Variants in CCDC88A observed in about 807,000 individuals in gnomAD.
CCDC88A encodes coiled-coil and HOOK domain protein 88A, also known as girdin.
In CCDC88A, 54 loss-of-function variants were observed where a neutral mutation model predicts 234.3. That is an observed-to-expected ratio of 0.23 (90% CI 0.19 to 0.29). CCDC88A has a LOEUF of 0.29. CCDC88A is among the 10% of genes least tolerant of loss of function. The probability of loss-of-function intolerance (pLI) is 1.00; values close to 1 mark genes in which losing one functional copy is unlikely to be tolerated. For missense variants in CCDC88A, 1,832 were observed against 2,123.4 expected, an observed-to-expected ratio of 0.86 and a Z score of 2.70; for synonymous variants, 753 against 737.8, an observed-to-expected ratio of 1.02 and a Z score of -0.33.
At chr2:55,415,088 A>T (rs1431631024) in intron 2 of CCDC88A, among the ~76,000 whole-genome samples, 1 of 150,018 alleles carries the variant, frequency 6.7e-6, no homozygotes, top group Non-Finnish European at 1.5e-5. Context: ...AAAGGTTCCT[A>T]TAAAAAAAGT....
intron 9 of CCDC88A, 45 bp downstream of exon 9, chr2:55,349,473 C>G: frequency 1.5e-6 from 2 of 1,316,962 alleles, no homozygotes; most frequent in Non-Finnish European, 2.2e-6. Flanking sequence ...AAATCAATTT[C>G]CAATTACTTG....
rs575185717 is a variant in CCDC88A, at chr2:55,363,813, T to C, written c.486+137A>G. The stretch of plus-strand genomic sequence containing the variant: ...AACTATCTCTAAAGAGAAGACAATT[T>C]GTATAAAAGCAGGGTCCATCTATAT... On this transcript the variant is annotated intron_variant, in intron 6 of 32. Transcript: ENST00000436346. 2.3e-5 allele frequency: 12 copies of C among 521,074 alleles called. No individual in the cohort carries two copies. In the African/African-American group the frequency reaches 2.4e-4, roughly 10 times the overall value. 32.3% of individuals were successfully genotyped at this position (521,074 alleles called of 1,614,324 possible).
rs532679422 is a variant in CCDC88A, at chr2:55,334,963, A to G, written c.1858T>C (p.Tyr620His). 6.3e-7 allele frequency: 1 copy of G among 1,579,132 alleles called. No homozygotes were observed. The highest frequency in any genetic ancestry group is 8.6e-7 in the Non-Finnish European group (1 of 1,159,576). Reference protein sequence around the residue: ...KRQIKKELEHYKEKGERAEEL... With the variant: ...KRQIKKELEHHKEKGERAEEL... ...TCAGCTCGTTCTCCTTTTTCTTTAT[A>G]ATGTTCCAATTCTTTTTTAATTTGT... is the stretch of plus-strand genomic sequence containing the variant. The change falls in exon 15 of 33, where the codon TAT becomes CAT. Residue 620 changes from tyrosine to histidine, a missense_variant. Transcript: ENST00000436346. The surrounding 1 kb of genome is among the most constrained non-coding windows in gnomAD (Gnocchi z 6.1).
chr2:55,322,779 T>G (rs1034585411), intron 17 of CCDC88A, 87 bp from the exon 18 acceptor site: 1 of 604,224 alleles, frequency 1.7e-6, no homozygotes, highest in African/African-American at 1.9e-5. Context: ...TGGGCTGATC[T>G]GGTGAATACG....
Position 55,309,280 on chromosome 2 carries a change from G to T in CCDC88A, c.4080-26C>A. The T allele has an allele frequency of 9.6e-7, 1 of 1,036,280 alleles. No individual in the cohort carries two copies. Among genetic ancestry groups the T allele is most frequent in the Non-Finnish European group, 1.5e-6 (1 of 682,154 alleles). 64.2% of individuals were successfully genotyped at this position (1,036,280 alleles called of 1,614,324 possible). A position where few individuals can be genotyped will look rare whatever the true frequency, so the allele number is the denominator to read the frequency against. On this transcript the variant is annotated intron_variant, in intron 23 of 32. Coordinates refer to ENST00000436346, the MANE Select transcript of CCDC88A (RefSeq NM_001365480.1). This position sits in a 1 kb window ranked among gnomAD's most constrained non-coding sequence, Gnocchi z 5.1. ...CTATAAAATAAAAATTACCTTTTAG[G>T]ACAGGCATCATATTTTGTACAGCTA...
intron 7 of CCDC88A, among the ~76,000 whole-genome samples, chr2:55,358,664 T>C (rs551092390): frequency 6.6e-6 from 1 of 152,254 alleles, no homozygotes; most frequent in African/African-American, 2.4e-5. Flanking sequence ...CCTTTATTCT[T>C]ATGCATTTTT....
chr2:55,388,756 G>A (rs1221610929), intron 3 of CCDC88A, 22 bp downstream of exon 3: 1 of 930,764 alleles, frequency 1.1e-6, no homozygotes, highest in Non-Finnish European at 1.7e-6. Context: ...TAAAACCCCA[G>A]ATTTTTAAAA....
intron 16 of CCDC88A, chr2:55,330,012 C>T (rs1172088974): frequency 2.0e-5 from 3 of 152,210 alleles, no homozygotes; most frequent in African/African-American, 7.2e-5. Flanking sequence ...CCGCCTGCCT[C>T]AGCCTCCCAA....
chr2:55,416,333 G>A (rs1406798796), intron 2 of CCDC88A, among the ~76,000 whole-genome samples: 2 of 147,992 alleles, frequency 1.4e-5, no homozygotes, highest in African/African-American at 4.9e-5. Flanking sequence ...AAAGAAGACT[G>A]AAAGAAAATT....
At position 55,387,426 on chromosome 2, in the gene CCDC88A, C is replaced by T. The variant is rs192243541; in HGVS notation, c.273+1352G>A. On this transcript the variant is annotated intron_variant, in intron 3 of 32. Coordinates refer to ENST00000436346, the MANE Select transcript of CCDC88A (RefSeq NM_001365480.1). Reference sequence around the variant, plus strand: ...TAAAATGTATGATTTTGAAAGTCACCTCTGAAAAAACAGGAAGAGTGAAAA... The same window carrying T: ...TAAAATGTATGATTTTGAAAGTCACTTCTGAAAAAACAGGAAGAGTGAAAA... Among the ~76,000 whole-genome samples, 4 of 151,892 alleles carry T rather than the reference C, an allele frequency of 2.6e-5. No individual in the cohort carries two copies. The East Asian group carries it at 7.8e-4, about 29-fold the overall frequency.
rs758065873 is a variant in CCDC88A at position 55,317,743 on chromosome 2, A to G, written c.3423T>C (p.Ser1141=). 11 of 1,613,488 alleles carry G rather than the reference A, an allele frequency of 6.8e-6. No homozygotes were observed. The highest frequency in any genetic ancestry group is 9.3e-6 in the Non-Finnish European group (11 of 1,179,570). The change falls in exon 20 of 33, where the codon TCT becomes TCC. Residue 1141 remains serine, a synonymous_variant. Coordinates refer to ENST00000436346, the MANE Select transcript of CCDC88A (RefSeq NM_001365480.1). This position sits in a 1 kb window ranked among gnomAD's most constrained non-coding sequence, Gnocchi z 4.2. ...TTAGGTCTTCTCGCTCTTTGATTAC[A>G]GATTCATTTTCATTTTCTAAGGAAG... is the stretch of plus-strand genomic sequence containing the variant. ...QQSSLENENE[S]VIKEREDLKS...
At chr2:55,385,189 A>T (rs1675385747) in intron 3 of CCDC88A, among the ~76,000 whole-genome samples, 2 of 152,218 alleles carry the variant, frequency 1.3e-5, no homozygotes, top group African/African-American at 4.8e-5. Context: ...GGACAGATCC[A>T]GATCTGTACA....
chr2:55,414,596 A>T (rs367861549), intron 2 of CCDC88A, among the ~76,000 whole-genome samples: 1 of 152,360 alleles, frequency 6.6e-6, no homozygotes, highest in South Asian at 2.1e-4. Flanking sequence ...CTCTGAATAC[A>T]GTAAATCTCA....
At chr2:55,396,482 A>C (rs1431449828) in intron 2 of CCDC88A, among the ~76,000 whole-genome samples, 1 of 152,168 alleles carries the variant, frequency 6.6e-6, no homozygotes, top group Non-Finnish European at 1.5e-5. Flanking sequence ...CAAAGTTCAA[A>C]CTAGTAATCT....
chr2:55,307,963 T>G (rs969923139), intron 25 of CCDC88A: 1 of 139,422 alleles, frequency 7.2e-6, no homozygotes, highest in Non-Finnish European at 1.5e-5. Flanking sequence ...TAATTTTGTA[T>G]TTTTCTTTCT....
At chr2:55,314,828 T>C (rs1462739269) in intron 22 of CCDC88A, among the ~76,000 whole-genome samples, 2 of 152,230 alleles carry the variant, frequency 1.3e-5, no homozygotes, top group Non-Finnish European at 2.9e-5. Flanking sequence ...CTGTGCTATC[T>C]TCCAACCACT....
chr2:55,377,835 T>C (rs62137152), intron 3 of CCDC88A, among the ~76,000 whole-genome samples: 8,648 of 151,746 alleles, frequency 0.057, 307 homozygotes, highest in Middle Eastern at 0.11. Context: ...CTCTAACTCC[T>C]GACATCGTGA....
At chr2:55,401,552 A>C (rs1678703768) in intron 2 of CCDC88A, among the ~76,000 whole-genome samples, 1 of 39,096 alleles carries the variant, frequency 2.6e-5, no homozygotes, top group African/African-American at 5.1e-5. Flanking sequence ...CTTCAACTTA[A>C]TTTCTCCCCC....
chr2:55,405,255 C>G (rs1192865290), intron 2 of CCDC88A: 1 of 152,156 alleles, frequency 6.6e-6, no homozygotes, highest in Non-Finnish European at 1.5e-5. Flanking sequence ...TAAATCAAAT[C>G]TAACTTCCTC....
Sources: allele counts gnomAD v4.1 joint callset (sites outside exome capture counted in the v4.1 genomes callset), GRCh38; gene constraint gnomAD v4.1.1; non-coding constraint Gnocchi (gnomAD v3.1); transcripts MANE v1.5; gene names NCBI Gene and HGNC (gene_info 2026-07-23, HGNC 2026-07-21).